Variants in TMEM117 observed in about 807,000 individuals in gnomAD.
The protein encoded by TMEM117 is transmembrane protein 117.
Under a neutral mutation model 52.4 loss-of-function variants are expected in TMEM117, and 27 were observed. That is an observed-to-expected ratio of 0.51 (90% CI 0.38 to 0.71). The LOEUF (loss-of-function observed/expected upper bound fraction) is 0.71. TMEM117 is among the 30% of genes least tolerant of loss of function. TMEM117 has a pLI of 0.00. For missense variants in TMEM117, 556 were observed against 630.5 expected, an observed-to-expected ratio of 0.88 and a Z score of 1.26; for synonymous variants, 215 against 206.3, an observed-to-expected ratio of 1.04 and a Z score of -0.36.
At chr12:44,356,557 G>C (rs773226189) in intron 6 of TMEM117, among the ~76,000 whole-genome samples, 1 of 152,048 alleles carries the variant, frequency 6.6e-6, no homozygotes, top group African/African-American at 2.4e-5. Flanking sequence ...GCTGTCTTCT[G>C]TATATTCCCA....
intron 4 of TMEM117, 47 bp downstream of exon 4, chr12:44,143,671 ATGTTCACAG>A: frequency 1.4e-6 from 2 of 1,406,818 alleles, no homozygotes; most frequent in Non-Finnish European, 2.0e-6. Context: ...AACGGAAGAC[ATGTTCACAG>A]TGTTGGACAG....
chr12:44,072,640 A>G (rs1947319521), intron 3 of TMEM117, among the ~76,000 whole-genome samples: 4 of 152,318 alleles, frequency 2.6e-5, no homozygotes, highest in Admixed American at 6.5e-5. Flanking sequence ...AATAAAACAA[A>G]CAACAAACCT....
chr12:44,309,641 C>G (rs186667010), intron 6 of TMEM117, among the ~76,000 whole-genome samples: 1 of 151,964 alleles, frequency 6.6e-6, no homozygotes, highest in Non-Finnish European at 1.5e-5. Context: ...CTTAGATGTA[C>G]TTTATTTCAT....
chr12:43,907,158 C>T (rs1022069014), intron 2 of TMEM117, among the ~76,000 whole-genome samples: 2 of 152,208 alleles, frequency 1.3e-5, no homozygotes, highest in Admixed American at 6.5e-5. Context: ...TGAGAACGGG[C>T]AGACTGCCCC....
chr12:44,068,368 T>C (rs2137974696), intron 3 of TMEM117, among the ~76,000 whole-genome samples: 1 of 152,386 alleles, frequency 6.6e-6, no homozygotes, highest in Non-Finnish European at 1.5e-5. Flanking sequence ...TCCTGGCTTT[T>C]GACATGCCTT....
At chr12:44,237,578 A>G (rs1478787865) in intron 5 of TMEM117, among the ~76,000 whole-genome samples, 2 of 152,014 alleles carry the variant, frequency 1.3e-5, no homozygotes. Flanking sequence ...TTTTCTGGGC[A>G]TGGTGGCATG....
intron 3 of TMEM117, among the ~76,000 whole-genome samples, chr12:44,098,745 T>A (rs1037973295): frequency 6.6e-6 from 1 of 152,130 alleles, no homozygotes; most frequent in Admixed American, 6.6e-5. Flanking sequence ...ACTCAAAATC[T>A]GTGTTAACTG....
chr12:44,065,921 GA>G (rs1947215453), intron 3 of TMEM117, among the ~76,000 whole-genome samples: 1 of 152,190 alleles, frequency 6.6e-6, no homozygotes, highest in South Asian at 2.1e-4. Context: ...GGTGTTAAGA[GA>G]AAAACCTTAG....
At chr12:44,206,004 T>C (rs904650391) in intron 4 of TMEM117, among the ~76,000 whole-genome samples, 6 of 152,188 alleles carry the variant, frequency 3.9e-5, no homozygotes, top group Non-Finnish European at 2.9e-5. Context: ...AAAGTGGGAA[T>C]CAGGGGGCTG....
intron 6 of TMEM117, among the ~76,000 whole-genome samples, chr12:44,332,712 TAC>T (rs34633299): frequency 0.089 from 12,787 of 142,888 alleles, 739 homozygotes; most frequent in African/African-American, 0.17. Flanking sequence ...CTACTGTTAC[TAC>T]ACACACACAC....
chr12:44,063,698 A>G lies in TMEM117; in HGVS notation c.411-79827A>G, dbSNP rs191475594. Among the ~76,000 whole-genome samples, 999 of 143,214 alleles carry G rather than the reference A, an allele frequency of 7.0e-3. 16 individuals carry two copies. The highest frequency in any genetic ancestry group is 0.025 in the African/African-American group (947 of 38,174). 94.0% of individuals were successfully genotyped at this position (143,214 alleles called of 152,430 possible). A position where few individuals can be genotyped will look rare whatever the true frequency, so the allele number is the denominator to read the frequency against. ...TGTTCTAATTGTTCAATTCCCACCT[A>G]TGAGTGAGAACATGCGACGTTTGGT... On this transcript the variant is annotated intron_variant, in intron 3 of 7. Coordinates refer to ENST00000266534, the MANE Select transcript of TMEM117 (RefSeq NM_032256.3).
chr12:43,913,745 A>C (rs1156580374), intron 2 of TMEM117, among the ~76,000 whole-genome samples: 2 of 152,208 alleles, frequency 1.3e-5, no homozygotes, highest in Non-Finnish European at 2.9e-5. Context: ...ACAGAATCAC[A>C]CAACATGCTT....
At chr12:43,826,781 A>G in the TMEM117 span, among the ~76,000 whole-genome samples, 1 of 152,128 alleles carries the variant, frequency 6.6e-6, no homozygotes, top group African/African-American at 2.4e-5. Context: ...CTCTCTTCAC[A>G]TCTCATGCTG....
chr12:44,045,850 G>T (rs868674379), intron 3 of TMEM117, among the ~76,000 whole-genome samples: 19 of 152,136 alleles, frequency 1.2e-4, no homozygotes, highest in African/African-American at 4.6e-4. Flanking sequence ...AAGTGCAGCA[G>T]TGAACTCATG....
chr12:43,971,997 A>G (rs1002891421), intron 3 of TMEM117, among the ~76,000 whole-genome samples: 1 of 152,202 alleles, frequency 6.6e-6, no homozygotes, highest in Admixed American at 6.5e-5. Context: ...AGTGGAATCA[A>G]GTTTTTTTAT....
chr12:43,955,482 T>G (rs1226427211), intron 3 of TMEM117, among the ~76,000 whole-genome samples: 1 of 152,190 alleles, frequency 6.6e-6, no homozygotes, highest in East Asian at 1.9e-4. Context: ...ATCACAAGCA[T>G]TCCCATACAT....
At chr12:44,049,371 C>T (rs906017768) in intron 3 of TMEM117, among the ~76,000 whole-genome samples, 1 of 151,964 alleles carries the variant, frequency 6.6e-6, no homozygotes, top group Non-Finnish European at 1.5e-5. Context: ...ACGATGAGAA[C>T]ACATGGACAC....
intron 2 of TMEM117, among the ~76,000 whole-genome samples, chr12:43,877,890 A>AACACACACACACAC (rs369405497): frequency 2.1e-5 from 3 of 142,998 alleles, no homozygotes; most frequent in African/African-American, 5.2e-5. Context: ...GTAAAAACAA[A>AACACACACACACAC]ACACACACAC....
intron 3 of TMEM117, among the ~76,000 whole-genome samples, chr12:43,965,060 T>G (rs2137673532): frequency 6.6e-6 from 1 of 152,272 alleles, no homozygotes; most frequent in South Asian, 2.1e-4. Flanking sequence ...TGGCTGAACT[T>G]TTGCACTCGT....
Sources: allele counts gnomAD v4.1 joint callset (sites outside exome capture counted in the v4.1 genomes callset), GRCh38; gene constraint gnomAD v4.1.1; transcripts MANE v1.5; gene names NCBI Gene and HGNC (gene_info 2026-07-23, HGNC 2026-07-21).